Variants in ZFHX3 observed in about 807,000 individuals in gnomAD.
The protein encoded by ZFHX3 is zinc finger homeobox protein 3.
ZFHX3 carries 42 observed loss-of-function variants against 279.1 expected under a neutral mutation model. The observed-to-expected ratio is 0.15, with a 90% CI of 0.12 to 0.19. The LOEUF (loss-of-function observed/expected upper bound fraction) is 0.19. Among genes scored for constraint, ZFHX3 ranks in the 10% least tolerant of loss-of-function variants. The pLI is 1.00. For synonymous variants in ZFHX3, 2,293 were observed against 1,957.8 expected (o/e 1.17, Z -4.52); for missense variants, 4,981 against 4,754.0 (o/e 1.05, Z -1.40).
intron 2 of ZFHX3, among the ~76,000 whole-genome samples, chr16:73,642,284 A>T (rs2052580640): frequency 6.6e-6 from 1 of 152,186 alleles, no homozygotes; most frequent in Admixed American, 6.5e-5. Context: ...ATACAGATGG[A>T]GCCTCTCCTC....
At chr16:73,624,304 T>C (rs1305609228) in intron 2 of ZFHX3, among the ~76,000 whole-genome samples, 1 of 152,196 alleles carries the variant, frequency 6.6e-6, no homozygotes, top group Non-Finnish European at 1.5e-5. Context: ...AATGTTTATG[T>C]TTATGTTACA....
intron 1 of ZFHX3, among the ~76,000 whole-genome samples, chr16:73,868,857 CAT>C: frequency 6.6e-6 from 1 of 152,148 alleles, no homozygotes. Context: ...CAATACTCTG[CAT>C]GATCAATTTA....
chr16:72,821,672 G>A (rs1042344133), intron 5 of ZFHX3, among the ~76,000 whole-genome samples: 6 of 152,176 alleles, frequency 3.9e-5, no homozygotes, highest in Non-Finnish European at 8.8e-5. Flanking sequence ...TTCACATCCT[G>A]GCTGTGTGAC....
chr16:73,853,592 A>G (rs1319196370), intron 1 of ZFHX3, among the ~76,000 whole-genome samples: 1 of 152,192 alleles, frequency 6.6e-6, no homozygotes, highest in African/African-American at 2.4e-5. Flanking sequence ...AAAACCAAAT[A>G]CTGCATGTTC....
chr16:73,789,740 C>T (rs1474172773), intron 1 of ZFHX3, among the ~76,000 whole-genome samples: 2 of 152,096 alleles, frequency 1.3e-5, no homozygotes, highest in East Asian at 3.9e-4. Flanking sequence ...ACAGAATGTG[C>T]TTCTTGGGCT....
At chr16:73,715,091 C>T (rs76544589) in intron 1 of ZFHX3, among the ~76,000 whole-genome samples, 3,173 of 152,222 alleles carry the variant, frequency 0.021, 36 homozygotes, top group East Asian at 0.033. Context: ...TCTGCCTGCT[C>T]GGGTCAAGCT....
At chr16:73,561,031 T>C (rs1375886174) in intron 2 of ZFHX3, among the ~76,000 whole-genome samples, 1 of 152,202 alleles carries the variant, frequency 6.6e-6, no homozygotes, top group African/African-American at 2.4e-5. Context: ...AGAAATAATA[T>C]GTTAAAATAT....
At chr16:73,058,553 G>T in exon 1 of ZFHX3, 1 of 194,544 alleles carries the variant, frequency 5.1e-6, no homozygotes, top group Non-Finnish European at 1.0e-5. Context: ...CGGCGGCGGC[G>T]GCTGCAGCGG....
At chr16:72,817,096 G>A (rs982686497) in intron 5 of ZFHX3, among the ~76,000 whole-genome samples, 2 of 152,328 alleles carry the variant, frequency 1.3e-5, no homozygotes, top group East Asian at 3.9e-4. Flanking sequence ...GCAAAACTTT[G>A]TGTAGGAAGT....
At chr16:73,390,636 G>A (rs2016992251) in intron 3 of ZFHX3, among the ~76,000 whole-genome samples, 1 of 152,292 alleles carries the variant, frequency 6.6e-6, no homozygotes, top group Admixed American at 6.5e-5. Context: ...TGTTGCTGCT[G>A]GGGATACAAT....
At chr16:73,731,525 G>T (rs916723495) in intron 1 of ZFHX3, among the ~76,000 whole-genome samples, 1 of 151,704 alleles carries the variant, frequency 6.6e-6, no homozygotes, top group African/African-American at 2.4e-5. Flanking sequence ...CCTGCAAAGT[G>T]TTATTGTGAT....
intron 2 of ZFHX3, among the ~76,000 whole-genome samples, chr16:73,481,936 A>G (rs889485967): frequency 6.6e-6 from 1 of 152,174 alleles, no homozygotes; most frequent in Non-Finnish European, 1.5e-5. Flanking sequence ...CCCTGTTGTC[A>G]TGATGACCCC....
rs935003312 is a variant in ZFHX3 at position 73,032,120 on chromosome 16, G to A, written c.-50+15632C>T. The stretch of plus-strand genomic sequence containing the variant: ...CTTTGGGATGCCGAGGAGACAGGGA[G>A]ATCCTGTCTCTACAAAAAATTAAAA... On this transcript the variant is annotated intron_variant, in intron 1 of 9. Transcript: ENST00000268489. Among the ~76,000 whole-genome samples the A allele has an allele frequency of 3.9e-5, 6 of 152,226 alleles. No individual in the cohort carries two copies. The South Asian group carries it at 1.2e-3, about 32-fold the overall frequency.
intron 1 of ZFHX3, among the ~76,000 whole-genome samples, chr16:73,733,224 T>G (rs967993173): frequency 6.6e-6 from 1 of 152,156 alleles, no homozygotes; most frequent in African/African-American, 2.4e-5. Flanking sequence ...TCACTGACTA[T>G]AGGAAAAGCA....
intron 3 of ZFHX3, among the ~76,000 whole-genome samples, chr16:73,419,169 C>T (rs567606139): frequency 7.2e-5 from 11 of 152,138 alleles, no homozygotes; most frequent in Non-Finnish European, 1.3e-4. Context: ...TGAGACAGAC[C>T]GGCTAATGAA....
At chr16:73,181,611 C>T (rs762007383) in intron 5 of ZFHX3, among the ~76,000 whole-genome samples, 29 of 152,132 alleles carry the variant, frequency 1.9e-4, no homozygotes, top group Non-Finnish European at 3.5e-4. Context: ...AAGTTCTATC[C>T]CCTCTTCTTG....
intron 1 of ZFHX3, among the ~76,000 whole-genome samples, chr16:73,850,835 G>C (rs960474673): frequency 6.6e-6 from 1 of 152,020 alleles, no homozygotes; most frequent in African/African-American, 2.4e-5. Flanking sequence ...CAGGGTGAAG[G>C]GTACCTAACC....
At chr16:73,349,114 T>A (rs2016175302) in intron 3 of ZFHX3, among the ~76,000 whole-genome samples, 1 of 152,156 alleles carries the variant, frequency 6.6e-6, no homozygotes, top group Admixed American at 6.5e-5. Flanking sequence ...ACTTTCCCAC[T>A]CAGGGATCTC....
In ZFHX3 at chr16:72,788,858, A is replaced by G; in HGVS notation, c.9428-10T>C. On this transcript the variant is annotated splice_polypyrimidine_tract_variant and intron_variant, in intron 9 of 9. Coordinates refer to ENST00000268489, the MANE Select transcript of ZFHX3 (RefSeq NM_006885.4). Reference sequence around the variant, plus strand: ...TTAGGAGACGTTAAAGCTGAAAGGAATGGAGACAGAAATCACCGGTCAGTC... The same window carrying G: ...TTAGGAGACGTTAAAGCTGAAAGGAGTGGAGACAGAAATCACCGGTCAGTC... 1.3e-6 allele frequency: 2 copies of G among 1,516,246 alleles called. No homozygotes were observed. The highest frequency in any genetic ancestry group is 1.8e-6 in the Non-Finnish European group (2 of 1,134,360). The allele number at this position is 1,516,246 out of a possible 1,614,324, so 93.9% of individuals were successfully genotyped here.
Sources: allele counts gnomAD v4.1 joint callset (sites outside exome capture counted in the v4.1 genomes callset), GRCh38; gene constraint gnomAD v4.1.1; transcripts MANE v1.5; gene names NCBI Gene and HGNC (gene_info 2026-07-23, HGNC 2026-07-21).